Variants in SARDH observed in about 807,000 individuals in gnomAD.
SARDH encodes the protein sarcosine dehydrogenase, mitochondrial.
A neutral mutation model predicts 109.1 loss-of-function variants in SARDH; 95 were observed. The ratio of observed to expected loss-of-function variants is 0.87; its 90% confidence interval spans 0.74 to 1.03. The LOEUF is 1.03. Among genes scored for constraint, SARDH ranks in the 50% least tolerant of loss-of-function variants. SARDH has a pLI of 0.00. For synonymous variants in SARDH, 572 were observed against 534.8 expected (o/e 1.07, Z -0.96); for missense variants, 1,267 against 1,287.8 (o/e 0.98, Z 0.25).
At position 133,718,097 on chromosome 9, in the gene SARDH, A is replaced by T. The variant is rs1290243202; in HGVS notation, c.1021-642T>A. ...ATTTGTTTGTTTGTTTGTTTGTAACAGTCTCACTCTGTCACCCAGGCTGGA... is the reference window on the plus strand; with the variant it reads ...ATTTGTTTGTTTGTTTGTTTGTAACTGTCTCACTCTGTCACCCAGGCTGGA... On this transcript the variant is annotated intron_variant, in intron 7 of 20. Coordinates refer to ENST00000439388, the MANE Select transcript of SARDH (RefSeq NM_001134707.2). The surrounding 1 kb of genome is among the most constrained non-coding windows in gnomAD (Gnocchi z 4.2). Among the ~76,000 whole-genome samples the T allele has an allele frequency of 6.6e-6, 1 of 152,096 alleles. No individual in the cohort carries two copies. Among genetic ancestry groups the T allele is most frequent in the Non-Finnish European group, 1.5e-5 (1 of 68,022 alleles).
At chr9:133,706,337 G>A (rs955009271) in intron 11 of SARDH, among the ~76,000 whole-genome samples, 25 of 152,316 alleles carry the variant, frequency 1.6e-4, no homozygotes, top group African/African-American at 5.8e-4. Flanking sequence ...ACATGCTACA[G>A]GAATGAAGCC....
intron 6 of SARDH, among the ~76,000 whole-genome samples, chr9:133,722,634 C>T (rs1226653847): frequency 7.0e-6 from 1 of 142,506 alleles, no homozygotes. Flanking sequence ...CACTAAAAAA[C>T]TACTAGCGCT....
chr9:133,715,387 G>T (rs765680612), intron 8 of SARDH, among the ~76,000 whole-genome samples: 3 of 152,150 alleles, frequency 2.0e-5, no homozygotes, highest in Non-Finnish European at 4.4e-5. Flanking sequence ...GGATTCTTCC[G>T]GGCCTGTGTT....
At chr9:133,739,403 A>G (rs1487588156), upstream of SARDH, among the ~76,000 whole-genome samples, 5 of 152,230 alleles carry the variant, frequency 3.3e-5, no homozygotes, top group Admixed American at 2.0e-4. Context: ...TGAATGCCCA[A>G]TGTGTACAAA....
intron 17 of SARDH, among the ~76,000 whole-genome samples, chr9:133,676,556 G>A (rs1302989647): frequency 2.0e-5 from 3 of 152,152 alleles, no homozygotes; most frequent in Non-Finnish European, 2.9e-5. Flanking sequence ...GCACTTTCTC[G>A]ACATCCTGGA....
chr9:133,735,213 A>T (rs1356536776), intron 1 of SARDH, among the ~76,000 whole-genome samples: 1 of 152,114 alleles, frequency 6.6e-6, no homozygotes, highest in Non-Finnish European at 1.5e-5. Context: ...CATCAGCCCC[A>T]AAGCTCGGTG....
chr9:133,673,077 A>C (rs2797837), intron 17 of SARDH, among the ~76,000 whole-genome samples: 84,931 of 152,080 alleles, frequency 0.56, 24,581 homozygotes, highest in East Asian at 0.79. Flanking sequence ...GGCACTGAGC[A>C]GGGCCTAGGC....
intron 13 of SARDH, among the ~76,000 whole-genome samples, chr9:133,700,766 C>T (rs946690203): frequency 6.6e-6 from 1 of 152,176 alleles, no homozygotes; most frequent in African/African-American, 2.4e-5. Flanking sequence ...AACAACATCA[C>T]TCCCTATTTC....
chr9:133,663,784 G>T lies in SARDH; in HGVS notation c.*105C>A. The T allele has an allele frequency of 6.7e-7, 1 of 1,502,094 alleles. No homozygotes were observed. The highest frequency in any genetic ancestry group is 1.2e-5 in the South Asian group (1 of 80,072). The allele number at this position is 1,502,094 out of a possible 1,614,324, so 93.0% of individuals were successfully genotyped here. ...CAGGACTAGGCCTAGGCTAAGGACA[G>T]GGAGGGCACAAGTTCTGGCTGGGTC... is the stretch of plus-strand genomic sequence containing the variant. On this transcript the variant is annotated 3_prime_UTR_variant, in exon 21 of 21. Transcript: ENST00000439388.
intron 8 of SARDH, 110 bp downstream of exon 8, chr9:133,717,208 CGGGGACAG>C: frequency 7.6e-7 from 1 of 1,311,556 alleles, no homozygotes. Flanking sequence ...CGAGAGGGAC[CGGGGACAG>C]CCCTGGGTCC....
rs112999121 is a variant in SARDH at position 133,731,870 on chromosome 9, T to C, written c.511-386A>G. 5.2e-3 allele frequency among the ~76,000 whole-genome samples: 786 copies of C among 152,258 alleles called. 7 individuals are homozygous for C. The Middle Eastern group carries it at 0.061, about 12-fold the overall frequency. ...AAATAACCCCACAGGTCTAATACTTTGGGCCTGAGAGGTTTCCCAGTCAGA... is the reference window on the plus strand; with the variant it reads ...AAATAACCCCACAGGTCTAATACTTCGGGCCTGAGAGGTTTCCCAGTCAGA... On this transcript the variant is annotated intron_variant, in intron 3 of 20. Coordinates refer to ENST00000439388, the MANE Select transcript of SARDH (RefSeq NM_001134707.2).
Position 133,733,942 on chromosome 9 carries a change from C to T in SARDH, c.232G>A (p.Gly78Ser), listed in dbSNP as rs754230240. Residue 78 changes from glycine (G) to serine (S), a missense_variant, in exon 2 of 21, where the codon GGC becomes AGC. Transcript: ENST00000439388. ...NVVVIGGGSLGCQTLYHLAKL... is the reference protein window; with the variant it reads ...NVVVIGGGSLSCQTLYHLAKL... ...GCCAGGTGGTACAGGGTCTGGCAGC[C>T]CAAGCTGCCTCCACCAATGACCACC... 6.2e-7 allele frequency: 1 copy of T among 1,601,346 alleles called. No homozygotes were observed. The highest frequency in any genetic ancestry group is 1.7e-5 in the Admixed American group (1 of 59,204).
intron 18 of SARDH, among the ~76,000 whole-genome samples, chr9:133,671,250 G>A (rs1341662228): frequency 6.6e-6 from 1 of 152,112 alleles, no homozygotes; most frequent in African/African-American, 2.4e-5. Flanking sequence ...CTGACCCCCA[G>A]GTGTCAGGCA....
intron 13 of SARDH, among the ~76,000 whole-genome samples, chr9:133,699,966 T>TC (rs1201577502): frequency 1.3e-5 from 2 of 152,186 alleles, no homozygotes; most frequent in Non-Finnish European, 2.9e-5. Context: ...AATTCCAATG[T>TC]CCACCAACGG....
chr9:133,702,631 C>G (rs1313773096), intron 13 of SARDH, among the ~76,000 whole-genome samples: 1 of 152,226 alleles, frequency 6.6e-6, no homozygotes, highest in Non-Finnish European at 1.5e-5. Flanking sequence ...GCAGCCCCAC[C>G]GGGCCCCAGC....
At chr9:133,660,287 G>A (rs569124535), downstream of SARDH, among the ~76,000 whole-genome samples, 1 of 152,196 alleles carries the variant, frequency 6.6e-6, no homozygotes, top group South Asian at 2.1e-4. Context: ...ATTGATGGAG[G>A]AGGAAACTGA....
chr9:133,735,475 C>T (rs535306253), intron 1 of SARDH, among the ~76,000 whole-genome samples: 6 of 152,336 alleles, frequency 3.9e-5, no homozygotes, highest in South Asian at 2.1e-4. Flanking sequence ...CTGATGAAGA[C>T]GGATGTCTCC....
rs1158455765 is a variant in SARDH at position 133,694,323 on chromosome 9, C to T, written c.1856G>A (p.Ser619Asn). ...TGCCAGGCGGCTGACAGTCAGGTCA[C>T]TCTCGGTGCCCCCACGGTGGTTGAG... Reference protein sequence around the residue: ...CMLNHRGGTESDLTVSRLAPS... With the variant: ...CMLNHRGGTENDLTVSRLAPS... The change falls in exon 15 of 21, where the codon AGT becomes AAT. Residue 619 changes from serine (S) to asparagine (N), a missense_variant. Ser to Asn is a conservative substitution (Grantham distance 46, BLOSUM62 1). Transcript: ENST00000439388. 7.4e-5 allele frequency: 115 copies of T among 1,550,596 alleles called. No homozygotes were observed. Among genetic ancestry groups the T allele is most frequent in the Non-Finnish European group, 9.8e-5 (112 of 1,146,964 alleles).
rs148100733 is a variant in SARDH, at chr9:133,685,306, C to T, written c.2070-20G>A. ...GCTCGGCTGCAGGCAAGAGCAAAGT[C>T]GCTCAGTCAGCAAGTGCTCACGGGT... On this transcript the variant is annotated intron_variant, in intron 16 of 20. Coordinates refer to ENST00000439388, the MANE Select transcript of SARDH (RefSeq NM_001134707.2). 39 of 1,609,118 alleles carry T rather than the reference C, an allele frequency of 2.4e-5. No homozygotes were observed. The highest frequency in any genetic ancestry group is 3.3e-4 in the Middle Eastern group (2 of 6,040).
Sources: gnomAD v4.1 joint callset for allele counts (sites outside exome capture counted in the v4.1 genomes callset) on GRCh38, gnomAD v4.1.1 for gene constraint, Gnocchi (gnomAD v3.1) non-coding constraint, MANE v1.5 for transcripts, NCBI Gene and HGNC (gene_info 2026-07-23, HGNC 2026-07-21) for gene names.